Variants in HIP1 observed in about 807,000 individuals in gnomAD.
The protein encoded by HIP1 is huntingtin-interacting protein 1.
In HIP1, 65 loss-of-function variants were observed where a neutral mutation model predicts 147.6. The ratio of observed to expected loss-of-function variants is 0.44; its 90% confidence interval spans 0.36 to 0.54. The LOEUF (loss-of-function observed/expected upper bound fraction) is 0.54, where lower values mean the gene tolerates loss of function less well. Ranked by LOEUF, HIP1 falls within the 20% of genes least tolerant of loss-of-function variation. HIP1 has a pLI of 0.00. For missense variants in HIP1, 1,061 were observed against 1,299.6 expected, an observed-to-expected ratio of 0.82 and a Z score of 2.82; for synonymous variants, 479 against 504.0, an observed-to-expected ratio of 0.95 and a Z score of 0.67.
intron 1 of HIP1, among the ~76,000 whole-genome samples, chr7:75,725,985 T>TTTTG (rs150094164): frequency 1.8e-4 from 28 of 151,738 alleles, no homozygotes; most frequent in African/African-American, 5.6e-4. Flanking sequence ...CATGCCCAGT[T>TTTTG]TTTGTTTGTT....
chr7:75,547,715 A>T, intron 24 of HIP1, 40 bp downstream of exon 24: 1 of 1,553,336 alleles, frequency 6.4e-7, no homozygotes, highest in Non-Finnish European at 8.9e-7. Context: ...AGGAAGACAG[A>T]TCCTGCTCCC....
At position 75,546,959 on chromosome 7, in the gene HIP1, C is replaced by G; in HGVS notation, c.2539G>C (p.Glu847Gln). Residue 847 changes from glutamate to glutamine, a missense_variant, in exon 25 of 31, where the codon GAG becomes CAG. Physicochemically the swap from Glu to Gln is conservative, Grantham distance 29. Coordinates refer to ENST00000336926, the MANE Select transcript of HIP1 (RefSeq NM_005338.7). ...LIVASKDLQREIVESGRGTAS... is the reference protein window; with the variant it reads ...LIVASKDLQRQIVESGRGTAS... ...CTCACCCTGCCGCTCTCCACAATCTCTCTCTGGAGGTCCTTAGAGGCCACG... is the reference window on the plus strand; with the variant it reads ...CTCACCCTGCCGCTCTCCACAATCTGTCTCTGGAGGTCCTTAGAGGCCACG... 1 of 1,576,770 alleles carries G rather than the reference C, an allele frequency of 6.3e-7. No homozygotes were observed. The highest frequency in any genetic ancestry group is 8.6e-7 in the Non-Finnish European group (1 of 1,159,914).
chr7:75,638,504 G>T (rs1361397312), intron 1 of HIP1, among the ~76,000 whole-genome samples: 1 of 152,102 alleles, frequency 6.6e-6, no homozygotes, highest in African/African-American at 2.4e-5. Context: ...CAGGCCCACT[G>T]AAGCTGGGGT....
chr7:75,707,426 G>C (rs1387982195), intron 1 of HIP1, among the ~76,000 whole-genome samples: 1 of 98,934 alleles, frequency 1.0e-5, no homozygotes, highest in Non-Finnish European at 2.0e-5. Context: ...CTGCATAAAT[G>C]TCTTCTTTTG....
chr7:75,635,778 T>C (rs1183690904), intron 1 of HIP1, among the ~76,000 whole-genome samples: 1 of 151,660 alleles, frequency 6.6e-6, no homozygotes, highest in Non-Finnish European at 1.5e-5. Context: ...ATCCCAGCAG[T>C]TTGGGAGGCT....
chr7:75,697,798 C>A (rs1292608582), intron 1 of HIP1, among the ~76,000 whole-genome samples: 1 of 152,088 alleles, frequency 6.6e-6, no homozygotes, highest in Non-Finnish European at 1.5e-5. Context: ...GGCGACAGAG[C>A]GAGACTCCGT....
intron 18 of HIP1, among the ~76,000 whole-genome samples, 194 bp downstream of exon 18, chr7:75,555,832 A>G (rs587767804): frequency 1.4e-4 from 22 of 152,080 alleles, no homozygotes; most frequent in African/African-American, 5.3e-4. Flanking sequence ...AAAAGACAGC[A>G]GTTTGCTTTC....
chr7:75,695,495 T>C (rs1333341589), intron 1 of HIP1, among the ~76,000 whole-genome samples: 7 of 152,220 alleles, frequency 4.6e-5, no homozygotes, highest in Admixed American at 2.6e-4. Flanking sequence ...CACTCTCCAC[T>C]GCTCCAACCC....
At chr7:75,655,852 G>C (rs1319073160) in intron 1 of HIP1, among the ~76,000 whole-genome samples, 1 of 152,156 alleles carries the variant, frequency 6.6e-6, no homozygotes, top group Non-Finnish European at 1.5e-5. Flanking sequence ...GGGTGCAGTG[G>C]CTCACACCTG....
intron 4 of HIP1, among the ~76,000 whole-genome samples, chr7:75,589,816 C>T (rs1040448898): frequency 9.3e-5 from 14 of 151,126 alleles, no homozygotes; most frequent in Admixed American, 2.6e-4. Context: ...CTGTGAACTC[C>T]GCCTCCCGGG....
intron 2 of HIP1, among the ~76,000 whole-genome samples, chr7:75,598,630 G>A (rs113215321): frequency 6.6e-5 from 10 of 151,896 alleles, no homozygotes; most frequent in South Asian, 2.1e-4. Context: ...AGCTTGAGTC[G>A]GCCAGGTGCA....
At chr7:75,572,979 T>C (rs1244553588) in intron 8 of HIP1, among the ~76,000 whole-genome samples, 3 of 152,210 alleles carry the variant, frequency 2.0e-5, no homozygotes, top group Admixed American at 2.0e-4. Context: ...TAGAGCAAAG[T>C]TGGGGCTGAG....
At chr7:75,630,675 T>C (rs1013106634) in intron 1 of HIP1, among the ~76,000 whole-genome samples, 67 of 152,076 alleles carry the variant, frequency 4.4e-4, no homozygotes, top group African/African-American at 1.4e-3. Context: ...TTCTTAATGA[T>C]ACCCTTCCTT....
intron 1 of HIP1, among the ~76,000 whole-genome samples, chr7:75,674,100 CTA>C (rs1196470775): frequency 6.6e-6 from 1 of 152,148 alleles, no homozygotes; most frequent in Admixed American, 6.6e-5. Context: ...GTCATGTTTT[CTA>C]TACATATGAG....
intron 1 of HIP1, among the ~76,000 whole-genome samples, chr7:75,725,647 G>A (rs1195835037): frequency 1.3e-5 from 2 of 152,092 alleles, no homozygotes; most frequent in African/African-American, 4.8e-5. Flanking sequence ...GCGTTCATCC[G>A]TGTTGTTGAA....
chr7:75,573,082 G>T (rs999122962), intron 8 of HIP1, among the ~76,000 whole-genome samples: 4 of 152,196 alleles, frequency 2.6e-5, no homozygotes, highest in South Asian at 2.1e-4. Flanking sequence ...CCCACAGACC[G>T]GAGTGGGAAC....
chr7:75,651,157 G>A (rs1418879456), intron 1 of HIP1, among the ~76,000 whole-genome samples: 1 of 151,908 alleles, frequency 6.6e-6, no homozygotes, highest in Non-Finnish European at 1.5e-5. Context: ...AAACGGGGGA[G>A]GGTGAGAGGG....
intron 1 of HIP1, among the ~76,000 whole-genome samples, chr7:75,647,431 C>T (rs1201885744): frequency 2.0e-5 from 3 of 151,876 alleles, no homozygotes; most frequent in Non-Finnish European, 4.4e-5. Flanking sequence ...AAAAACTGTG[C>T]ACAAACCATG....
chr7:75,553,368 C>A, intron 22 of HIP1, 85 bp downstream of exon 22: 1 of 1,491,392 alleles, frequency 6.7e-7, no homozygotes, highest in Non-Finnish European at 9.2e-7. Flanking sequence ...AGAACTAGCT[C>A]AGAACATCAC....
Sources: allele counts gnomAD v4.1 joint callset (sites outside exome capture counted in the v4.1 genomes callset), GRCh38; gene constraint gnomAD v4.1.1; transcripts MANE v1.5; gene names NCBI Gene and HGNC (gene_info 2026-07-23, HGNC 2026-07-21).